The following CCBE1 variants were observed in gnomAD, a reference collection of about 807,000 sequenced individuals.
The protein encoded by CCBE1 is collagen and calcium binding EGF domains 1, also known as collagen and calcium-binding EGF domain-containing protein 1.
CCBE1 carries 37 observed loss-of-function variants against 50.0 expected under a neutral mutation model. The observed-to-expected ratio is 0.74, with a 90% CI of 0.57 to 0.97. The LOEUF (loss-of-function observed/expected upper bound fraction) is 0.97, where lower values mean the gene tolerates loss of function less well. Ranked by LOEUF, CCBE1 falls within the 50% of genes least tolerant of loss-of-function variation. The pLI is 0.00. For synonymous variants in CCBE1, 234 were observed against 203.7 expected (o/e 1.15, Z -1.27); for missense variants, 538 against 523.8 (o/e 1.03, Z -0.26).
At chr18:59,595,253 A>G (rs1005965348) in intron 2 of CCBE1, among the ~76,000 whole-genome samples, 3 of 145,450 alleles carry the variant, frequency 2.1e-5, no homozygotes, top group African/African-American at 7.7e-5. Flanking sequence ...ACAAGGACCT[A>G]TCCTTCCCCC....
In CCBE1 at chr18:59,539,771, A is replaced by G. The variant is rs1057293879; in HGVS notation, c.213-59533T>C. ...CCTTTTCTCCCAAAATTTACATTGC[A>G]TGAATATGCTCCAAAACTCACATAA... On this transcript the variant is annotated intron_variant, in intron 2 of 10. Coordinates refer to ENST00000439986, the MANE Select transcript of CCBE1 (RefSeq NM_133459.4). Among the ~76,000 whole-genome samples, 7 of 152,376 alleles carry G rather than the reference A, an allele frequency of 4.6e-5. No individual in the cohort carries two copies. In the South Asian group the frequency reaches 1.4e-3, roughly 32 times the overall value.
chr18:59,671,021 T>C (rs183775832), intron 2 of CCBE1, among the ~76,000 whole-genome samples: 1 of 152,308 alleles, frequency 6.6e-6, no homozygotes, highest in African/African-American at 2.4e-5. Context: ...TCTAAACCCA[T>C]GATTGACGTT....
intron 2 of CCBE1, among the ~76,000 whole-genome samples, chr18:59,634,729 GTT>G (rs557093205): frequency 2.0e-4 from 31 of 152,256 alleles, no homozygotes; most frequent in Admixed American, 1.4e-3. Flanking sequence ...AGGAACAAGA[GTT>G]AAATGACCAG....
chr18:59,492,182 G>A (rs895920619), intron 2 of CCBE1, among the ~76,000 whole-genome samples: 1 of 149,814 alleles, frequency 6.7e-6, no homozygotes, highest in Admixed American at 6.7e-5. Context: ...AAGCATTCTT[G>A]GTGTAGCCAG....
chr18:59,516,122 C>A (rs191001305), intron 2 of CCBE1, among the ~76,000 whole-genome samples: 1 of 152,154 alleles, frequency 6.6e-6, no homozygotes, highest in African/African-American at 2.4e-5. Flanking sequence ...CCACGCCCAG[C>A]TAACTTTTGT....
At chr18:59,523,249 G>A (rs1356117274) in intron 2 of CCBE1, among the ~76,000 whole-genome samples, 1 of 151,442 alleles carries the variant, frequency 6.6e-6, no homozygotes, top group African/African-American at 2.4e-5. Flanking sequence ...AGAGGTGGGG[G>A]TGAGCTACAT....
chr18:59,689,023 G>A (rs548141289), intron 2 of CCBE1, among the ~76,000 whole-genome samples: 1 of 152,276 alleles, frequency 6.6e-6, no homozygotes, highest in Non-Finnish European at 1.5e-5. Context: ...GGGACTTTGG[G>A]GGCCAAATTG....
At position 59,431,693 on chromosome 18, in the gene CCBE1, T is replaced by C. The variant is rs1344828295; in HGVS notation, c.*4215A>G. 1 of 152,290 alleles carries C rather than the reference T, an allele frequency of 6.6e-6. No individual in the cohort carries two copies. The highest frequency in any genetic ancestry group is 1.9e-4 in the East Asian group (1 of 5,202). The allele number at this position is 152,290 out of a possible 1,614,324, so 9.4% of individuals were successfully genotyped here. A position where few individuals can be genotyped will look rare whatever the true frequency, so the allele number is the denominator to read the frequency against. ...TCTTCGCTGGTATTTGGTGGGGTAA[T>C]ACTCACCTTTCCTTCCTTCCAAAAC... On this transcript the variant is annotated 3_prime_UTR_variant, in exon 11 of 11. Coordinates refer to ENST00000439986, the MANE Select transcript of CCBE1 (RefSeq NM_133459.4).
intron 2 of CCBE1, among the ~76,000 whole-genome samples, chr18:59,568,986 G>A (rs759379260): frequency 1.3e-5 from 2 of 152,166 alleles, no homozygotes; most frequent in Non-Finnish European, 2.9e-5. Context: ...CTACCTTCAC[G>A]GATGTCTCTG....
intron 5 of CCBE1, among the ~76,000 whole-genome samples, chr18:59,455,729 C>T (rs1414390457): frequency 6.6e-6 from 1 of 152,236 alleles, no homozygotes; most frequent in Non-Finnish European, 1.5e-5. Context: ...GGTCACCTTG[C>T]TGCTGAGGAC....
intron 5 of CCBE1, among the ~76,000 whole-genome samples, chr18:59,457,405 C>T (rs373341340): frequency 3.3e-5 from 5 of 152,206 alleles, no homozygotes; most frequent in Admixed American, 1.3e-4. Context: ...ATAGGCTCAG[C>T]GACCTTGGGC....
At chr18:59,650,594 A>T (rs1369421064) in intron 2 of CCBE1, among the ~76,000 whole-genome samples, 1 of 151,616 alleles carries the variant, frequency 6.6e-6, no homozygotes, top group Non-Finnish European at 1.5e-5. Context: ...CCCAGCCGGA[A>T]TTTGAATTGT....
At position 59,610,685 on chromosome 18, in the gene CCBE1, G is replaced by T. The variant is rs557288087; in HGVS notation, c.212+85944C>A. On this transcript the variant is annotated intron_variant, in intron 2 of 10. Coordinates refer to ENST00000439986, the MANE Select transcript of CCBE1 (RefSeq NM_133459.4). Reference sequence around the variant, plus strand: ...AGGGAAAGGAGCATGGGTGCCTGCAGCTACTTCCTAAGTGGGCTCCAGAGT... The same window carrying T: ...AGGGAAAGGAGCATGGGTGCCTGCATCTACTTCCTAAGTGGGCTCCAGAGT... Among the ~76,000 whole-genome samples the T allele has an allele frequency of 2.5e-4, 38 of 152,344 alleles. No individual in the cohort carries two copies. In the East Asian group the frequency reaches 5.0e-3, roughly 20 times the overall value.
At chr18:59,647,719 G>T (rs1415344020) in intron 2 of CCBE1, among the ~76,000 whole-genome samples, 10 of 152,086 alleles carry the variant, frequency 6.6e-5, no homozygotes, top group Admixed American at 6.5e-4. Flanking sequence ...GTACTTATAA[G>T]GAGAGAAGGA....
chr18:59,529,173 G>T lies in CCBE1; in HGVS notation c.213-48935C>A, dbSNP rs532858168. Among the ~76,000 whole-genome samples, 11 of 133,148 alleles carry T rather than the reference G, an allele frequency of 8.3e-5. No homozygotes were observed. The East Asian group carries it at 1.4e-3, about 17-fold the overall frequency. 87.4% of individuals were successfully genotyped at this position (133,148 alleles called of 152,430 possible). A position where few individuals can be genotyped will look rare whatever the true frequency, so the allele number is the denominator to read the frequency against. ...CCGTAAACCCCTGGCTGGAGTTGCTGAAATCCCCACAGGGAGGCCCTGCCC... is the reference window on the plus strand; with the variant it reads ...CCGTAAACCCCTGGCTGGAGTTGCTTAAATCCCCACAGGGAGGCCCTGCCC... On this transcript the variant is annotated intron_variant, in intron 2 of 10. Transcript: ENST00000439986.
rs147275825 is a variant in CCBE1, at chr18:59,622,724, C to G, written c.212+73905G>C. Among the ~76,000 whole-genome samples the G allele has an allele frequency of 7.1e-3, 1,070 of 151,676 alleles. 7 individuals carry two copies. Among genetic ancestry groups the G allele is most frequent in the Non-Finnish European group, 0.011 (733 of 67,932 alleles). ...GCTGAGGCAGGAGAATCACTTGAAC[C>G]CGGGAGGCAGAGGTTGCAGTGAGCT... is the stretch of plus-strand genomic sequence containing the variant. On this transcript the variant is annotated intron_variant, in intron 2 of 10. Coordinates refer to ENST00000439986, the MANE Select transcript of CCBE1 (RefSeq NM_133459.4).
intron 5 of CCBE1, among the ~76,000 whole-genome samples, chr18:59,465,998 T>C (rs1429609695): frequency 6.6e-6 from 1 of 152,166 alleles, no homozygotes; most frequent in East Asian, 1.9e-4. Flanking sequence ...TTTGAACTTA[T>C]ATTCTCTTCC....
intron 2 of CCBE1, among the ~76,000 whole-genome samples, chr18:59,632,525 C>T (rs866397207): frequency 4.6e-5 from 7 of 152,188 alleles, no homozygotes; most frequent in Middle Eastern, 3.4e-3. Flanking sequence ...CTACCTGCCT[C>T]GGCCTCCCAA....
At chr18:59,674,577 C>A (rs2054474594) in intron 2 of CCBE1, among the ~76,000 whole-genome samples, 1 of 152,058 alleles carries the variant, frequency 6.6e-6, no homozygotes, top group African/African-American at 2.4e-5. Context: ...ATGTAACAAA[C>A]CTGCATGTCC....
Sources: gnomAD v4.1 joint callset for allele counts (sites outside exome capture counted in the v4.1 genomes callset) on GRCh38, gnomAD v4.1.1 for gene constraint, MANE v1.5 for transcripts, NCBI Gene and HGNC (gene_info 2026-07-23, HGNC 2026-07-21) for gene names.